The following GALNT2 variants were observed in gnomAD, a reference collection of about 807,000 sequenced individuals.
GALNT2 encodes UDP-GalNAc:polypeptide N-acetylgalactosaminyltransferase 2.
In GALNT2, 31 loss-of-function variants were observed where a neutral mutation model predicts 81.4. The ratio of observed to expected loss-of-function variants is 0.38; its 90% CI spans 0.29 to 0.51. The LOEUF is 0.51. GALNT2 is among the 20% of genes least tolerant of loss of function. The pLI, the probability that GALNT2 is intolerant of heterozygous loss-of-function variation, is 0.87. For synonymous variants in GALNT2, 303 were observed against 287.4 expected, an observed-to-expected ratio of 1.05 and a Z score of -0.55; for missense variants, 629 against 765.7, an observed-to-expected ratio of 0.82 and a Z score of 2.11.
At chr1:230,182,156 G>A (rs1663180093) in intron 2 of GALNT2, among the ~76,000 whole-genome samples, 1 of 149,784 alleles carries the variant, frequency 6.7e-6, no homozygotes, top group African/African-American at 2.5e-5. Context: ...GAGATTCATT[G>A]ATTTTATTGA....
rs913785262 is a variant in GALNT2 at position 230,246,317 on chromosome 1, G to GA, written c.817+176dup. 2.6e-3 allele frequency among the ~76,000 whole-genome samples: 388 copies of GA among 151,120 alleles called. 2 individuals carry two copies. The highest frequency in any genetic ancestry group is 9.0e-3 in the African/African-American group (372 of 41,246). On this transcript the variant is annotated intron_variant, in intron 8 of 15. Coordinates refer to ENST00000366672, the MANE Select transcript of GALNT2 (RefSeq NM_004481.5). ...CTTAACGAGTAGGACTTCATAAAGA[G>GA]AAAAAAAAATAGGCTTGCTCCCTTA...
At chr1:230,235,899 GT>G in intron 3 of GALNT2, 114 bp from the exon 4 acceptor site, 1 of 840,728 alleles carries the variant, frequency 1.2e-6, no homozygotes, top group Middle Eastern at 2.3e-4. Flanking sequence ...CAGATAACAA[GT>G]TAATCATAGC....
intron 1 of GALNT2, among the ~76,000 whole-genome samples, chr1:230,104,145 T>C (rs1392287104): frequency 1.3e-5 from 2 of 152,090 alleles, no homozygotes; most frequent in African/African-American, 2.4e-5. Flanking sequence ...TCCAAAGGAG[T>C]CAGCAGGCTG....
intron 1 of GALNT2, among the ~76,000 whole-genome samples, chr1:230,115,412 G>A (rs1262602802): frequency 1.3e-5 from 2 of 152,192 alleles, no homozygotes; most frequent in East Asian, 3.8e-4. Flanking sequence ...GTCACACACA[G>A]TTTTTGGTTT....
chr1:230,192,940 ATTTG>A (rs1466948954), intron 2 of GALNT2, among the ~76,000 whole-genome samples: 1 of 152,200 alleles, frequency 6.6e-6, no homozygotes, highest in Non-Finnish European at 1.5e-5. Flanking sequence ...AAATGGATCT[ATTTG>A]TTTGTAATCC....
chr1:230,223,302 A>G (rs1664607421), intron 3 of GALNT2, among the ~76,000 whole-genome samples: 1 of 148,696 alleles, frequency 6.7e-6, no homozygotes, highest in African/African-American at 2.5e-5. Flanking sequence ...TTAATCTCCT[A>G]CTTTATTTCA....
upstream of GALNT2, among the ~76,000 whole-genome samples, chr1:230,063,368 A>G (rs183206119): frequency 3.3e-3 from 507 of 152,082 alleles, 2 homozygotes; most frequent in African/African-American, 0.012. Context: ...GTGGTATCTC[A>G]CTGTGGGTTT....
At chr1:230,171,428 G>A (rs1280375803) in intron 1 of GALNT2, among the ~76,000 whole-genome samples, 1 of 152,154 alleles carries the variant, frequency 6.6e-6, no homozygotes, top group African/African-American at 2.4e-5. Context: ...GGCTGTAGTG[G>A]TAATTACTGA....
At chr1:230,066,848 C>G (rs1659194682), upstream of GALNT2, among the ~76,000 whole-genome samples, 1 of 151,776 alleles carries the variant, frequency 6.6e-6, no homozygotes, top group Non-Finnish European at 1.5e-5. Flanking sequence ...GGGCAGCCAC[C>G]TGTCACTCAC....
intron 14 of GALNT2, among the ~76,000 whole-genome samples, chr1:230,269,013 C>G (rs1666103349): frequency 1.3e-5 from 2 of 152,330 alleles, no homozygotes; most frequent in African/African-American, 2.4e-5. Context: ...TTCCTTCTTG[C>G]TGTTGTGCAG....
At chr1:230,079,123 G>A (rs1235358231) in intron 1 of GALNT2, among the ~76,000 whole-genome samples, 1 of 152,264 alleles carries the variant, frequency 6.6e-6, no homozygotes, top group African/African-American at 2.4e-5. Flanking sequence ...GGGAAGCTGA[G>A]TGGGAGACCG....
intron 1 of GALNT2, among the ~76,000 whole-genome samples, chr1:230,119,672 C>T (rs1229776074): frequency 2.0e-5 from 3 of 152,132 alleles, no homozygotes; most frequent in Admixed American, 6.5e-5. Flanking sequence ...CCTGGTGGTA[C>T]TGTCCATGGG....
At chr1:230,184,035 C>G (rs1663240225) in intron 2 of GALNT2, among the ~76,000 whole-genome samples, 1 of 151,478 alleles carries the variant, frequency 6.6e-6, no homozygotes, top group Non-Finnish European at 1.5e-5. Context: ...TTGATGCATC[C>G]TTTCTTCATG....
chr1:230,169,458 G>A (rs568182408), intron 1 of GALNT2, among the ~76,000 whole-genome samples: 1 of 152,278 alleles, frequency 6.6e-6, no homozygotes, highest in African/African-American at 2.4e-5. Flanking sequence ...CATTTTCTAT[G>A]CCCAGAGGTT....
chr1:230,212,674 ACCAACT>A (rs1664269475), intron 3 of GALNT2, among the ~76,000 whole-genome samples: 1 of 152,094 alleles, frequency 6.6e-6, no homozygotes, highest in South Asian at 2.1e-4. Flanking sequence ...CGGGTCCCCC[ACCAACT>A]CATCCCAGGT....
At chr1:230,121,526 G>A (rs1186400913) in intron 1 of GALNT2, among the ~76,000 whole-genome samples, 1 of 152,160 alleles carries the variant, frequency 6.6e-6, no homozygotes, top group African/African-American at 2.4e-5. Flanking sequence ...CTTCTTTGAG[G>A]AGGAGAACCC....
At chr1:230,058,691 G>A (rs1658976148) in intron 1 of GALNT2, among the ~76,000 whole-genome samples, 3 of 152,204 alleles carry the variant, frequency 2.0e-5, no homozygotes, top group Non-Finnish European at 2.9e-5. Flanking sequence ...CAGGGCAATC[G>A]ATTCCTTTAA....
chr1:230,161,671 C>A (rs1293335667), intron 1 of GALNT2, among the ~76,000 whole-genome samples: 1 of 152,190 alleles, frequency 6.6e-6, no homozygotes, highest in Non-Finnish European at 1.5e-5. Context: ...TGCTCTCTGA[C>A]CATTGTGCCT....
intron 3 of GALNT2, among the ~76,000 whole-genome samples, chr1:230,210,170 G>C (rs757759007): frequency 6.6e-6 from 1 of 152,158 alleles, no homozygotes; most frequent in Non-Finnish European, 1.5e-5. Context: ...AAATGCATCT[G>C]ATAAGAAAAT....
Sources: allele counts gnomAD v4.1 joint callset (sites outside exome capture counted in the v4.1 genomes callset), GRCh38; gene constraint gnomAD v4.1.1; transcripts MANE v1.5; gene names NCBI Gene and HGNC (gene_info 2026-07-23, HGNC 2026-07-21).